Variants in CTNNA3 observed in about 807,000 individuals in gnomAD.
The protein encoded by CTNNA3 is catenin alpha 3, also known as catenin alpha-3.
CTNNA3 carries 76 observed loss-of-function variants against 95.7 expected under a neutral mutation model. That is an observed-to-expected ratio of 0.79 (90% confidence interval 0.66 to 0.96). CTNNA3 has a LOEUF of 0.96. CTNNA3 is among the 40% of genes least tolerant of loss of function. The probability of loss-of-function intolerance (pLI) is 0.00; values close to 1 mark genes in which losing one functional copy is unlikely to be tolerated. For synonymous variants in CTNNA3, 431 were observed against 374.4 expected (o/e 1.15, Z -1.74); for missense variants, 1,191 against 1,089.8 (o/e 1.09, Z -1.31).
At chr10:66,199,794 TATATATATATA>T (rs1251392272) in intron 13 of CTNNA3, among the ~76,000 whole-genome samples, 50 of 16,116 alleles carry the variant, frequency 3.1e-3, no homozygotes, top group South Asian at 9.0e-3. Flanking sequence ...TATATATATA[TATATATATATA>T]TTTTTTTTTT....
chr10:67,655,726 C>A (rs1840002802), intron 1 of CTNNA3, among the ~76,000 whole-genome samples: 1 of 146,124 alleles, frequency 6.8e-6, no homozygotes, highest in Non-Finnish European at 1.5e-5. Context: ...ACCTAGGAGG[C>A]AGAGGCTGCA....
chr10:67,475,884 G>A (rs1847989889), intron 5 of CTNNA3, among the ~76,000 whole-genome samples: 1 of 152,088 alleles, frequency 6.6e-6, no homozygotes, highest in Admixed American at 6.5e-5. Context: ...TTTAGAATGA[G>A]GGAACATGAC....
At chr10:67,437,985 A>G (rs1824878459) in intron 5 of CTNNA3, among the ~76,000 whole-genome samples, 1 of 152,088 alleles carries the variant, frequency 6.6e-6, no homozygotes, top group South Asian at 2.1e-4. Context: ...GAATAAGCTT[A>G]TAATTACTTT....
At chr10:66,966,798 C>T (rs571139663) in intron 7 of CTNNA3, among the ~76,000 whole-genome samples, 1 of 152,122 alleles carries the variant, frequency 6.6e-6, no homozygotes, top group South Asian at 2.1e-4. Flanking sequence ...AAAAAAACAA[C>T]ATGAATCAGT....
intron 13 of CTNNA3, among the ~76,000 whole-genome samples, chr10:66,232,220 A>T (rs995251971): frequency 6.6e-6 from 1 of 152,172 alleles, no homozygotes; most frequent in Non-Finnish European, 1.5e-5. Flanking sequence ...AAAATCTATG[A>T]GATAATAAAT....
At chr10:66,356,611 G>A (rs999187463) in intron 12 of CTNNA3, among the ~76,000 whole-genome samples, 1 of 151,164 alleles carries the variant, frequency 6.6e-6, no homozygotes, top group Non-Finnish European at 1.5e-5. Context: ...TCTTTCTTTT[G>A]CCTTATTGCA....
At position 65,960,352 on chromosome 10, in the gene CTNNA3, G is replaced by A. The variant is rs545986627; in HGVS notation, c.2400+6260C>T. 7.2e-5 allele frequency among the ~76,000 whole-genome samples: 11 copies of A among 152,032 alleles called. No homozygotes were observed. The South Asian group carries it at 1.7e-3, about 23-fold the overall frequency. On this transcript the variant is annotated intron_variant, in intron 17 of 17. Coordinates refer to ENST00000433211, the MANE Select transcript of CTNNA3 (RefSeq NM_013266.4). Reference sequence around the variant, plus strand: ...GAGGTCGAGACCACGGTGAAACCCCGTCTCTACTAAAAAATACAAAAAATT... The same window carrying A: ...GAGGTCGAGACCACGGTGAAACCCCATCTCTACTAAAAAATACAAAAAATT...
intron 7 of CTNNA3, among the ~76,000 whole-genome samples, chr10:66,867,329 C>A (rs1271524266): frequency 6.6e-6 from 1 of 152,142 alleles, no homozygotes; most frequent in Non-Finnish European, 1.5e-5. Context: ...GGTGGACATG[C>A]TTTTATTTTG....
chr10:67,326,625 C>T (rs575090650), intron 5 of CTNNA3, among the ~76,000 whole-genome samples: 2 of 152,260 alleles, frequency 1.3e-5, no homozygotes, highest in East Asian at 3.9e-4. Flanking sequence ...CTTTGTAGGT[C>T]ACCTGACCTT....
chr10:66,026,142 T>C (rs2079329520), intron 15 of CTNNA3, among the ~76,000 whole-genome samples: 2 of 152,204 alleles, frequency 1.3e-5, no homozygotes, highest in African/African-American at 2.4e-5. Flanking sequence ...TTCTGATTTC[T>C]AGCTCTGTCA....
chr10:67,302,615 T>C (rs1368315019), intron 5 of CTNNA3, among the ~76,000 whole-genome samples: 3 of 152,176 alleles, frequency 2.0e-5, no homozygotes, highest in Non-Finnish European at 4.4e-5. Flanking sequence ...CCACAGCCAC[T>C]TGACCTCCAA....
chr10:66,353,384 G>A (rs1564890329), intron 12 of CTNNA3, among the ~76,000 whole-genome samples: 1 of 152,106 alleles, frequency 6.6e-6, no homozygotes, highest in Non-Finnish European at 1.5e-5. Flanking sequence ...AAAAGGCTAT[G>A]TTTGTACATC....
chr10:66,637,814 G>C (rs866959217), intron 9 of CTNNA3, among the ~76,000 whole-genome samples: 1 of 152,128 alleles, frequency 6.6e-6, no homozygotes, highest in African/African-American at 2.4e-5. Flanking sequence ...AGAAGTTAGA[G>C]TCCTACCCTC....
intron 2 of CTNNA3, among the ~76,000 whole-genome samples, chr10:67,617,957 T>A (rs1278452837): frequency 6.6e-6 from 1 of 151,970 alleles, no homozygotes; most frequent in East Asian, 1.9e-4. Context: ...GTAATGTTAA[T>A]CATATAGTCT....
chr10:67,051,169 A>G (rs942969672), intron 7 of CTNNA3, among the ~76,000 whole-genome samples: 2 of 152,318 alleles, frequency 1.3e-5, no homozygotes, highest in African/African-American at 4.8e-5. Context: ...CAGGAATGAG[A>G]TCTCATTACC....
intron 7 of CTNNA3, among the ~76,000 whole-genome samples, chr10:67,090,777 T>C (rs1857585438): frequency 6.6e-6 from 1 of 152,030 alleles, no homozygotes; most frequent in African/African-American, 2.4e-5. Context: ...CCACAGCTTC[T>C]TCAGGTGGCT....
intron 11 of CTNNA3, among the ~76,000 whole-genome samples, chr10:66,388,188 T>C (rs2092908448): frequency 6.6e-6 from 1 of 152,170 alleles, no homozygotes; most frequent in Admixed American, 6.6e-5. Flanking sequence ...AACGAATGTT[T>C]ACTCTGTATT....
chr10:66,419,870 T>C (rs2093177460), intron 11 of CTNNA3, among the ~76,000 whole-genome samples: 1 of 152,090 alleles, frequency 6.6e-6, no homozygotes, highest in African/African-American at 2.4e-5. Flanking sequence ...TATCTCTCAC[T>C]GTACACAAAA....
chr10:66,426,316 A>C (rs1204836208), intron 11 of CTNNA3, among the ~76,000 whole-genome samples: 2 of 152,056 alleles, frequency 1.3e-5, no homozygotes, highest in African/African-American at 4.8e-5. Flanking sequence ...GTCCAATTTA[A>C]CTTGTTTTTA....
Sources: allele counts gnomAD v4.1 joint callset (sites outside exome capture counted in the v4.1 genomes callset), GRCh38; gene constraint gnomAD v4.1.1; transcripts MANE v1.5; gene names NCBI Gene and HGNC (gene_info 2026-07-23, HGNC 2026-07-21).